CUX2: variants seen among roughly 807,000 people sequenced by gnomAD.
CUX2 encodes the protein homeobox protein cut-like 2.
In CUX2, 40 loss-of-function variants were observed where a neutral mutation model predicts 144.8. The ratio of observed to expected loss-of-function variants is 0.28; its 90% CI spans 0.21 to 0.36. The LOEUF (loss-of-function observed/expected upper bound fraction) is 0.36. CUX2 is among the 10% of genes least tolerant of loss of function. The pLI, the probability that CUX2 is intolerant of heterozygous loss-of-function variation, is 1.00. For missense variants in CUX2, 1,615 were observed against 1,994.0 expected, an observed-to-expected ratio of 0.81 and a Z score of 3.62; for synonymous variants, 827 against 875.6, an observed-to-expected ratio of 0.94 and a Z score of 0.98.
At chr12:111,108,229 C>G (rs780328764) in intron 1 of CUX2, among the ~76,000 whole-genome samples, 1 of 152,178 alleles carries the variant, frequency 6.6e-6, no homozygotes, top group African/African-American at 2.4e-5. Flanking sequence ...GTGTCCTTCT[C>G]CATGCATTGG....
At chr12:111,239,304 G>A (rs528694733) in intron 3 of CUX2, among the ~76,000 whole-genome samples, 62 of 152,296 alleles carry the variant, frequency 4.1e-4, no homozygotes, top group African/African-American at 1.4e-3. Context: ...TATAATCATG[G>A]CTCAGAGGCC....
Position 111,347,780 on chromosome 12 carries a change from G to A in CUX2, c.3916G>A (p.Asp1306Asn). 1 of 1,613,860 alleles carries A rather than the reference G, an allele frequency of 6.2e-7. No homozygotes were observed. Among genetic ancestry groups the A allele is most frequent in the Non-Finnish European group, 8.5e-7 (1 of 1,179,944 alleles). ...VRIKQEQMEE[D>N]AEEEAGSQPQ... ...GATCAAGCAGGAACAGATGGAGGAGGATGCTGAGGAAGAGGCAGGCAGCCA... is the reference window on the plus strand; with the variant it reads ...GATCAAGCAGGAACAGATGGAGGAGAATGCTGAGGAAGAGGCAGGCAGCCA... Residue 1306 changes from aspartate to asparagine, a missense_variant, in exon 22 of 22, where the codon GAT (aspartate) becomes AAT (asparagine). This residue lies in a region of CUX2 where 298 missense variants were observed against 330.4 expected (regional missense o/e 0.90). Coordinates refer to ENST00000261726, the MANE Select transcript of CUX2 (RefSeq NM_015267.4).
intron 1 of CUX2, among the ~76,000 whole-genome samples, chr12:111,159,350 A>G (rs1336984445): frequency 6.7e-6 from 1 of 150,350 alleles, no homozygotes; most frequent in Non-Finnish European, 1.5e-5. Context: ...GGGTCTCACT[A>G]CATTACCCAG....
At chr12:111,249,082 C>T (rs1162262723) in intron 3 of CUX2, among the ~76,000 whole-genome samples, 1 of 152,202 alleles carries the variant, frequency 6.6e-6, no homozygotes, top group Non-Finnish European at 1.5e-5. Flanking sequence ...GTGTGACCCC[C>T]GTGAACGAGG....
At chr12:111,326,675 G>C (rs551679049) in intron 18 of CUX2, among the ~76,000 whole-genome samples, 19 of 152,120 alleles carry the variant, frequency 1.2e-4, no homozygotes, top group Non-Finnish European at 2.5e-4. Context: ...AGGCCGAGGC[G>C]GGCCGATCAC....
chr12:111,284,046 C>T (rs1365921762), intron 4 of CUX2, among the ~76,000 whole-genome samples: 25 of 152,168 alleles, frequency 1.6e-4, no homozygotes. Context: ...CCTCCTCTCT[C>T]TCCTTCCCCT....
At chr12:111,174,821 A>G (rs371356316) in intron 1 of CUX2, among the ~76,000 whole-genome samples, 14 of 152,358 alleles carry the variant, frequency 9.2e-5, no homozygotes, top group African/African-American at 3.4e-4. Context: ...CCCCAGGATG[A>G]TGATCAGGCC....
Position 111,306,977 on chromosome 12 carries a change from C to G in CUX2, c.915C>G (p.Ser305=). 1 of 1,613,738 alleles carries G rather than the reference C, an allele frequency of 6.2e-7. No homozygotes were observed. Among genetic ancestry groups the G allele is most frequent in the Non-Finnish European group, 8.5e-7 (1 of 1,179,864 alleles). ...SGPRLEAALA[S]KDREILRLLK... is the part of the protein sequence containing the mutation. ...CTCGGCTGGAGGCCGCGCTGGCCTC[C>G]AAGGACAGGGAGATCCTGCGGCTGC... Residue 305 remains serine (S), a synonymous_variant, in exon 11 of 22, where the codon TCC becomes TCG. Coordinates refer to ENST00000261726, the MANE Select transcript of CUX2 (RefSeq NM_015267.4).
intron 3 of CUX2, among the ~76,000 whole-genome samples, chr12:111,219,773 T>TA (rs559888654): frequency 1.3e-4 from 20 of 152,306 alleles, no homozygotes; most frequent in African/African-American, 4.6e-4. Context: ...CTCTCCCACT[T>TA]ACTAGCTGTG....
intron 1 of CUX2, among the ~76,000 whole-genome samples, chr12:111,128,969 T>G (rs1039236204): frequency 2.0e-5 from 3 of 152,168 alleles, no homozygotes; most frequent in African/African-American, 4.8e-5. Context: ...CACACATGGG[T>G]GGAATTAACA....
At chr12:111,273,671 ACACAGCTCC>A (rs945739202) in intron 4 of CUX2, among the ~76,000 whole-genome samples, 10 of 152,198 alleles carry the variant, frequency 6.6e-5, no homozygotes, top group Non-Finnish European at 1.0e-4. Context: ...GGAGACAGTC[ACACAGCTCC>A]CAACCTGGCA....
At chr12:111,147,531 T>G (rs1414320202) in intron 1 of CUX2, among the ~76,000 whole-genome samples, 1 of 152,334 alleles carries the variant, frequency 6.6e-6, no homozygotes, top group East Asian at 1.9e-4. Context: ...CTTTTTCAAG[T>G]TCATGGTTCC....
chr12:111,066,174 A>T (rs558130855), intron 1 of CUX2, among the ~76,000 whole-genome samples: 1 of 152,256 alleles, frequency 6.6e-6, no homozygotes, highest in South Asian at 2.1e-4. Context: ...AGGGCACTTA[A>T]TTATTGGTTC....
intron 1 of CUX2, among the ~76,000 whole-genome samples, chr12:111,104,851 G>A (rs1873492882): frequency 6.6e-6 from 1 of 152,156 alleles, no homozygotes. Flanking sequence ...CGCCTTTCAG[G>A]ACCACCTGGG....
chr12:111,293,826 GGGT>G lies in CUX2; in HGVS notation c.560+261_560+263del, dbSNP rs1355003824. On this transcript the variant is annotated intron_variant, in intron 6 of 21. Transcript: ENST00000261726. This position sits in a 1 kb window ranked among gnomAD's most constrained non-coding sequence, Gnocchi z 4.5. ...TTCCCTACCTGGGAAATGGGGCTAAGGGTGGTCCATTCCTCAGCATTCTCTAGA... is the reference window on the plus strand; with the variant it reads ...TTCCCTACCTGGGAAATGGGGCTAAGGGTCCATTCCTCAGCATTCTCTAGA... Among the ~76,000 whole-genome samples the G allele has an allele frequency of 6.6e-6, 1 of 151,728 alleles. No individual in the cohort carries two copies. Among genetic ancestry groups the G allele is most frequent in the African/African-American group, 2.4e-5 (1 of 41,434 alleles).
intron 18 of CUX2, among the ~76,000 whole-genome samples, chr12:111,328,580 T>TTGTGCGTGTG (rs1887926318): frequency 7.4e-6 from 1 of 135,752 alleles, no homozygotes; most frequent in Admixed American, 7.5e-5. Flanking sequence ...CCAATTTCTT[T>TTGTGCGTGTG]TGTGTGTGTG....
chr12:111,108,313 A>G (rs945386110), intron 1 of CUX2, among the ~76,000 whole-genome samples: 9 of 152,110 alleles, frequency 5.9e-5, no homozygotes, highest in African/African-American at 2.2e-4. Flanking sequence ...CTGCTGTAAA[A>G]TTATTATTTT....
In CUX2 at chr12:111,057,916, C is replaced by T. The variant is rs989787950; in HGVS notation, c.63+23676C>T. Among the ~76,000 whole-genome samples, 3 of 152,122 alleles carry T rather than the reference C, an allele frequency of 2.0e-5. No homozygotes were observed. Among genetic ancestry groups the T allele is most frequent in the Admixed American group, 1.3e-4 (2 of 15,276 alleles). On this transcript the variant is annotated intron_variant, in intron 1 of 21. Transcript: ENST00000261726. This position sits in a 1 kb window ranked among gnomAD's most constrained non-coding sequence, Gnocchi z 5.1. ...GGGTAATGACTGAACGCGCTAACTC[C>T]GTTAGCAGCCCTGGAAGCATGTAAT...
At chr12:111,128,992 A>T (rs1875268858) in intron 1 of CUX2, among the ~76,000 whole-genome samples, 1 of 152,204 alleles carries the variant, frequency 6.6e-6, no homozygotes, top group Non-Finnish European at 1.5e-5. Context: ...CTCAAATGAG[A>T]AATATGTTGG....
Sources: allele counts gnomAD v4.1 joint callset (sites outside exome capture counted in the v4.1 genomes callset), GRCh38; gene constraint gnomAD v4.1.1; regional missense constraint gnomAD v4.1.1; non-coding constraint Gnocchi (gnomAD v3.1); transcripts MANE v1.5; gene names NCBI Gene and HGNC (gene_info 2026-07-23, HGNC 2026-07-21).